Variants in LPP observed in about 807,000 individuals in gnomAD.
LPP encodes the protein lipoma-preferred partner.
LPP carries 38 observed loss-of-function variants against 60.4 expected under a neutral mutation model. The ratio of observed to expected loss-of-function variants is 0.63; its 90% CI spans 0.49 to 0.83. LPP has a LOEUF of 0.83. LPP is among the 40% of genes least tolerant of loss of function. The pLI, the probability that LPP is intolerant of heterozygous loss-of-function variation, is 0.00. For synonymous variants in LPP, 328 were observed against 290.8 expected, an observed-to-expected ratio of 1.13 and a Z score of -1.30; for missense variants, 902 against 783.6, an observed-to-expected ratio of 1.15 and a Z score of -1.80.
chr3:188,399,337 C>G (rs534735623), intron 3 of LPP, among the ~76,000 whole-genome samples: 1 of 150,864 alleles, frequency 6.6e-6, no homozygotes, highest in African/African-American at 2.5e-5. Flanking sequence ...CAGGAAGGTA[C>G]TGACTTTTGT....
At chr3:188,495,364 A>G (rs994248468) in intron 5 of LPP, among the ~76,000 whole-genome samples, 1 of 151,402 alleles carries the variant, frequency 6.6e-6, no homozygotes, top group Non-Finnish European at 1.5e-5. Flanking sequence ...TATAATTTGC[A>G]AAATACATTA....
chr3:188,767,502 A>G lies in LPP; in HGVS notation c.1410+7220A>G, dbSNP rs995829567. 1.6e-4 allele frequency among the ~76,000 whole-genome samples: 25 copies of G among 152,186 alleles called. 1 individual carries two copies. Among genetic ancestry groups the G allele is most frequent in the African/African-American group, 6.0e-4 (25 of 41,460 alleles). ...AAATCATAAAAAGGAGTTAAATAAT[A>G]TGATTGATAACGTTAATTTAATCCA... On this transcript the variant is annotated intron_variant, in intron 9 of 11. Coordinates refer to ENST00000617246, the MANE Select transcript of LPP (RefSeq NM_001375462.1).
intron 9 of LPP, 115 bp downstream of exon 9, chr3:188,760,397 A>ATGTGTGTGTGGGGTGTG: frequency 2.4e-6 from 2 of 848,680 alleles, no homozygotes; most frequent in Non-Finnish European, 3.6e-6. Flanking sequence ...AGACTTCAAA[A>ATGTGTGTGTGGGGTGTG]TGTGTGTGTG....
chr3:188,640,056 G>A (rs1050649721), intron 7 of LPP, among the ~76,000 whole-genome samples: 6 of 151,802 alleles, frequency 4.0e-5, no homozygotes, highest in African/African-American at 1.2e-4. Flanking sequence ...CTGCTATAAA[G>A]ACACATGCAC....
At chr3:188,608,937 C>G (rs1188125689) in intron 6 of LPP, among the ~76,000 whole-genome samples, 1 of 151,914 alleles carries the variant, frequency 6.6e-6, no homozygotes, top group East Asian at 1.9e-4. Flanking sequence ...AGAATTTTTT[C>G]CTTTCTTTCC....
chr3:188,672,410 T>G (rs2149268846), intron 7 of LPP, among the ~76,000 whole-genome samples: 1 of 152,286 alleles, frequency 6.6e-6, no homozygotes, highest in Middle Eastern at 3.4e-3. Context: ...ATGTTTTGCT[T>G]GGTTTTGTTT....
chr3:188,248,290 C>G (rs752568455), intron 2 of LPP, among the ~76,000 whole-genome samples: 1 of 151,564 alleles, frequency 6.6e-6, no homozygotes, highest in Non-Finnish European at 1.5e-5. Flanking sequence ...TGGGACCTGC[C>G]TTCTTTTTAT....
In LPP at chr3:188,636,697, G is replaced by T. The variant is rs563636427; in HGVS notation, c.1113+26853G>T. Among the ~76,000 whole-genome samples, 105 of 152,066 alleles carry T rather than the reference G, an allele frequency of 6.9e-4. 1 individual carries two copies. In the East Asian group the frequency reaches 0.017, roughly 25 times the overall value. On this transcript the variant is annotated intron_variant, in intron 7 of 11. Transcript: ENST00000617246. ...AAGAGAGCAGTGGTTCTCCCAGCAC[G>T]CAGCTGGAGATCTGAGAATGGGCAG...
intron 2 of LPP, among the ~76,000 whole-genome samples, chr3:188,269,051 T>C (rs564368100): frequency 2.2e-4 from 33 of 152,338 alleles, no homozygotes; most frequent in Admixed American, 1.8e-3. Context: ...GTATAGGATG[T>C]GATCTTTACC....
At chr3:188,762,262 CT>C in intron 9 of LPP, among the ~76,000 whole-genome samples, 1 of 152,236 alleles carries the variant, frequency 6.6e-6, no homozygotes, top group South Asian at 2.1e-4. Flanking sequence ...TATCAGTTGC[CT>C]CATCTATATA....
intron 9 of LPP, among the ~76,000 whole-genome samples, chr3:188,807,054 A>G (rs758175189): frequency 7.9e-5 from 12 of 151,654 alleles, no homozygotes; most frequent in Non-Finnish European, 1.3e-4. Context: ...TATTTCTTCA[A>G]TTCTGTCCTG....
At chr3:188,760,433 T>TGTGTGTGTGTGTGC in intron 9 of LPP, 151 bp downstream of exon 9, 1 of 730,134 alleles carries the variant, frequency 1.4e-6, no homozygotes. Flanking sequence ...TGTGTGTGTG[T>TGTGTGTGTGTGTGC]GTGCGTGCGC....
At chr3:188,343,140 A>C (rs1210060398) in intron 3 of LPP, among the ~76,000 whole-genome samples, 2 of 152,050 alleles carry the variant, frequency 1.3e-5, no homozygotes. Context: ...TAAGCACCGC[A>C]TGCATTAGGT....
In LPP at chr3:188,882,366, A is replaced by C. The variant is rs6768694; in HGVS notation, c.*7887A>C. 0.5 allele frequency: 112,417 copies of C among 225,026 alleles called. 28,822 individuals are homozygous for C. Among genetic ancestry groups the C allele is most frequent in the Non-Finnish European group, 0.55 (62,045 of 113,078 alleles). The allele number at this position is 225,026 out of a possible 1,614,324, so 13.9% of individuals were successfully genotyped here. A position where few individuals can be genotyped will look rare whatever the true frequency, so the allele number is the denominator to read the frequency against. Reference sequence around the variant, plus strand: ...GAAATTCCTTCTTAACAGAAAAAAAAGGCTTCCAAATAATCAGGCTGAATG... The same window carrying C: ...GAAATTCCTTCTTAACAGAAAAAAACGGCTTCCAAATAATCAGGCTGAATG... On this transcript the variant is annotated 3_prime_UTR_variant, in exon 12 of 12. Coordinates refer to ENST00000617246, the MANE Select transcript of LPP (RefSeq NM_001375462.1).
At chr3:188,842,495 C>T (rs1760285560) in intron 9 of LPP, among the ~76,000 whole-genome samples, 1 of 151,992 alleles carries the variant, frequency 6.6e-6, no homozygotes, top group Admixed American at 6.5e-5. Flanking sequence ...TTGTTTGTTT[C>T]CTTTGCTGTG....
chr3:188,660,420 G>A (rs1854316009), intron 7 of LPP, among the ~76,000 whole-genome samples: 2 of 152,168 alleles, frequency 1.3e-5, no homozygotes. Flanking sequence ...TGTTCATTAT[G>A]TTATTCTCAT....
At chr3:188,430,401 C>T (rs1450439359) in intron 4 of LPP, among the ~76,000 whole-genome samples, 1 of 152,130 alleles carries the variant, frequency 6.6e-6, no homozygotes, top group African/African-American at 2.4e-5. Context: ...TATCTTCCTT[C>T]TCTCTGTCTA....
intron 1 of LPP, among the ~76,000 whole-genome samples, chr3:188,199,874 C>G (rs1730578325): frequency 6.6e-6 from 1 of 151,946 alleles, no homozygotes; most frequent in African/African-American, 2.4e-5. Context: ...ACCACCATGC[C>G]CAGCTAACTT....
At chr3:188,445,622 G>A (rs1434241174) in intron 4 of LPP, among the ~76,000 whole-genome samples, 1 of 151,334 alleles carries the variant, frequency 6.6e-6, no homozygotes, top group East Asian at 1.9e-4. Flanking sequence ...ATGTATCCCA[G>A]AACTTAAAGT....
Sources: gnomAD v4.1 joint callset for allele counts (sites outside exome capture counted in the v4.1 genomes callset) on GRCh38, gnomAD v4.1.1 for gene constraint, MANE v1.5 for transcripts, NCBI Gene and HGNC (gene_info 2026-07-23, HGNC 2026-07-21) for gene names.